The following THRB variants were observed in gnomAD, a reference collection of about 807,000 sequenced individuals.
The protein encoded by THRB is nuclear receptor subfamily 1 group A member 2.
Under a neutral mutation model 47.8 loss-of-function variants are expected in THRB, and 12 were observed. That is an observed-to-expected ratio of 0.25 (90% CI 0.16 to 0.41). THRB has a LOEUF of 0.41. Among genes scored for constraint, THRB ranks in the 10% least tolerant of loss-of-function variants. The probability of loss-of-function intolerance (pLI) is 1.00; values close to 1 mark genes in which losing one functional copy is unlikely to be tolerated. For synonymous variants in THRB, 218 were observed against 212.2 expected, an observed-to-expected ratio of 1.03 and a Z score of -0.24; for missense variants, 348 against 589.2, an observed-to-expected ratio of 0.59 and a Z score of 4.24.
chr3:24,361,856 C>G (rs187250355), intron 1 of THRB, among the ~76,000 whole-genome samples: 4 of 152,208 alleles, frequency 2.6e-5, no homozygotes, highest in Non-Finnish European at 5.9e-5. Flanking sequence ...GGCATCAGCA[C>G]CTTCTGCCGA....
At chr3:24,154,851 T>C (rs1346302552) in intron 5 of THRB, among the ~76,000 whole-genome samples, 1 of 152,156 alleles carries the variant, frequency 6.6e-6, no homozygotes, top group South Asian at 2.1e-4. Flanking sequence ...TAGTATCAAG[T>C]ATGGAATGCA....
At chr3:24,143,930 C>A in intron 7 of THRB, 2 of 584,736 alleles carry the variant, frequency 3.4e-6, no homozygotes, top group South Asian at 4.0e-5. Context: ...GACCGGCCAG[C>A]TTTTCAAAAC....
intron 3 of THRB, among the ~76,000 whole-genome samples, chr3:24,286,568 C>T (rs1301456070): frequency 1.3e-5 from 2 of 152,168 alleles, no homozygotes; most frequent in African/African-American, 2.4e-5. Flanking sequence ...TTTGGACAAA[C>T]AGCTAGATGG....
At chr3:24,161,364 A>G (rs1482572796) in intron 5 of THRB, among the ~76,000 whole-genome samples, 1 of 152,150 alleles carries the variant, frequency 6.6e-6, no homozygotes, top group Non-Finnish European at 1.5e-5. Context: ...TCAACAGTTC[A>G]CTGGGTGGAC....
chr3:24,472,124 A>G (rs562893668), intron 1 of THRB, among the ~76,000 whole-genome samples: 5 of 152,230 alleles, frequency 3.3e-5, no homozygotes, highest in Admixed American at 6.5e-5. Flanking sequence ...AGAAAAATTA[A>G]GCAATTTTTT....
intron 1 of THRB, among the ~76,000 whole-genome samples, chr3:24,341,431 T>C (rs2062647015): frequency 6.6e-6 from 1 of 151,900 alleles, no homozygotes; most frequent in African/African-American, 2.4e-5. Flanking sequence ...GGTTTTGCCA[T>C]GCATGTTGCC....
At chr3:24,222,584 T>C (rs2047263244) in intron 4 of THRB, among the ~76,000 whole-genome samples, 1 of 152,150 alleles carries the variant, frequency 6.6e-6, no homozygotes, top group Non-Finnish European at 1.5e-5. Context: ...GGGAGAGATG[T>C]CTGAGCATGA....
intron 3 of THRB, among the ~76,000 whole-genome samples, chr3:24,277,958 A>G (rs891815571): frequency 4.0e-5 from 6 of 150,582 alleles, no homozygotes; most frequent in African/African-American, 1.0e-4. Context: ...TTATGGTATG[A>G]TATTTGCCCC....
chr3:24,386,800 C>T (rs941508061), intron 1 of THRB, among the ~76,000 whole-genome samples: 8 of 152,110 alleles, frequency 5.3e-5, no homozygotes, highest in African/African-American at 1.9e-4. Context: ...AAGCAAGGTG[C>T]TTAAACCTGA....
At chr3:24,276,255 C>T (rs1399326455) in intron 3 of THRB, among the ~76,000 whole-genome samples, 3 of 152,132 alleles carry the variant, frequency 2.0e-5, no homozygotes, top group Non-Finnish European at 1.5e-5. Flanking sequence ...AATTGGTTGA[C>T]GTATGAACTT....
At chr3:24,352,752 T>A (rs113367246) in intron 1 of THRB, among the ~76,000 whole-genome samples, 1 of 152,096 alleles carries the variant, frequency 6.6e-6, no homozygotes. Context: ...CATACACATA[T>A]ACTACATATC....
chr3:24,255,746 G>A (rs1222148921), intron 3 of THRB, among the ~76,000 whole-genome samples: 5 of 152,242 alleles, frequency 3.3e-5, no homozygotes, highest in Admixed American at 6.5e-5. Flanking sequence ...GGAGAGAGAT[G>A]AGTCTGGAGA....
intron 1 of THRB, among the ~76,000 whole-genome samples, chr3:24,444,298 G>A (rs1355608132): frequency 6.6e-6 from 1 of 152,024 alleles, no homozygotes; most frequent in Non-Finnish European, 1.5e-5. Flanking sequence ...AGAACTAAGT[G>A]AAAAATAATT....
intron 2 of THRB, among the ~76,000 whole-genome samples, chr3:24,323,721 A>G (rs2058636142): frequency 6.6e-6 from 1 of 152,262 alleles, no homozygotes. Context: ...AATACTCCAG[A>G]AGTCATAATA....
chr3:24,159,366 T>A (rs1258341868), intron 5 of THRB, among the ~76,000 whole-genome samples: 1 of 152,236 alleles, frequency 6.6e-6, no homozygotes, highest in Non-Finnish European at 1.5e-5. Flanking sequence ...GCTTTCGTAG[T>A]GCTTATGATC....
chr3:24,143,624 C>T lies in THRB; in HGVS notation c.615G>A (p.Gln205=). The T allele has an allele frequency of 6.2e-7, 1 of 1,614,204 alleles. No homozygotes were observed. The highest frequency in any genetic ancestry group is 8.5e-7 in the Non-Finnish European group (1 of 1,180,018). ...GCTCTGGCTTGTGCCCGATGGACTT[C>T]TGCAGCTCTTCCCGCCGTCTTTTCT... ...NREKRRREEL[Q]KSIGHKPEPT... Residue 205 remains glutamine, a synonymous_variant, in exon 8 of 11, where the codon CAG becomes CAA. Coordinates refer to ENST00000646209, the MANE Select transcript of THRB (RefSeq NM_001354712.2).
chr3:24,155,631 T>G (rs2037702581), intron 5 of THRB, among the ~76,000 whole-genome samples: 1 of 152,254 alleles, frequency 6.6e-6, no homozygotes, highest in African/African-American at 2.4e-5. Flanking sequence ...GCTGTTGTAT[T>G]TCCTGTTGTA....
chr3:24,240,765 G>T (rs2049403476), intron 3 of THRB, among the ~76,000 whole-genome samples: 1 of 152,098 alleles, frequency 6.6e-6, no homozygotes, highest in Non-Finnish European at 1.5e-5. Flanking sequence ...TTAGTTTGGG[G>T]TGCCTGAGAG....
intron 5 of THRB, chr3:24,165,515 C>T: frequency 1.7e-6 from 1 of 582,256 alleles, no homozygotes. Context: ...ACCAACACAG[C>T]AACCCAGCCT....
Sources: gnomAD v4.1 joint callset for allele counts (sites outside exome capture counted in the v4.1 genomes callset) on GRCh38, gnomAD v4.1.1 for gene constraint, MANE v1.5 for transcripts, NCBI Gene and HGNC (gene_info 2026-07-23, HGNC 2026-07-21) for gene names.